Variants in SCN1A observed in about 807,000 individuals in gnomAD.
SCN1A encodes sodium channel protein type 1 subunit alpha.
Under a neutral mutation model 193.7 loss-of-function variants are expected in SCN1A, and 13 were observed. The observed-to-expected ratio is 0.07, with a 90% CI of 0.04 to 0.11. SCN1A has a LOEUF of 0.11. Ranked by LOEUF, SCN1A falls within the 10% of genes least tolerant of loss-of-function variation. The pLI is 1.00. For missense variants in SCN1A, 1,432 were observed against 2,451.1 expected (o/e 0.58, Z 8.78); for synonymous variants, 781 against 843.6 (o/e 0.93, Z 1.29).
chr2:166,115,816 A>G (rs1439131079), intron 2 of SCN1A, among the ~76,000 whole-genome samples: 1 of 152,204 alleles, frequency 6.6e-6, no homozygotes, highest in African/African-American at 2.4e-5. Flanking sequence ...GCTGCACCAT[A>G]TTGCAAAGAA....
intron 1 of SCN1A, among the ~76,000 whole-genome samples, 157 bp downstream of exon 1, chr2:166,127,614 A>C (rs1281146872): frequency 6.6e-6 from 1 of 150,876 alleles, no homozygotes; most frequent in Non-Finnish European, 1.5e-5. Flanking sequence ...AGGGGAGGAG[A>C]AGAGGAGGAG....
chr2:166,097,516 G>A (rs991050154), intron 2 of SCN1A, among the ~76,000 whole-genome samples: 4 of 152,006 alleles, frequency 2.6e-5, no homozygotes, highest in African/African-American at 7.3e-5. Context: ...ATGCTTATAC[G>A]TGAGATTATC....
intron 2 of SCN1A, among the ~76,000 whole-genome samples, chr2:166,096,952 T>G (rs559821153): frequency 6.6e-6 from 1 of 152,340 alleles, no homozygotes; most frequent in East Asian, 1.9e-4. Flanking sequence ...ACACTCTAAG[T>G]GTTCACCATT....
chr2:166,121,351 G>T (rs1477441913), intron 2 of SCN1A, among the ~76,000 whole-genome samples: 1 of 152,116 alleles, frequency 6.6e-6, no homozygotes, highest in Non-Finnish European at 1.5e-5. Flanking sequence ...ATTAACCTGA[G>T]TCAGTTTCAG....
At chr2:166,120,596 C>CTTTT (rs57044851) in intron 2 of SCN1A, among the ~76,000 whole-genome samples, 7 of 72,484 alleles carry the variant, frequency 9.7e-5, no homozygotes, top group Admixed American at 7.0e-4. Flanking sequence ...TTTCTTTTCT[C>CTTTT]TTTTTTTTTT....
chr2:166,098,636 A>G (rs1380904583), intron 2 of SCN1A, among the ~76,000 whole-genome samples: 2 of 152,186 alleles, frequency 1.3e-5, no homozygotes, highest in Admixed American at 6.5e-5. Flanking sequence ...AAAGGCTCCT[A>G]GATCAAATAA....
At chr2:166,102,323 C>T (rs1688175847) in intron 2 of SCN1A, among the ~76,000 whole-genome samples, 1 of 151,820 alleles carries the variant, frequency 6.6e-6, no homozygotes. Flanking sequence ...GGTGAAACCC[C>T]ATTTCTACTA....
intron 2 of SCN1A, chr2:166,081,525 A>C (rs527317371): frequency 1.3e-5 from 2 of 151,974 alleles, no homozygotes; most frequent in South Asian, 4.1e-4. Flanking sequence ...TAAAAAGGTG[A>C]TATCTGTCTT....
At chr2:166,089,798 G>C (rs1007867142) in intron 2 of SCN1A, among the ~76,000 whole-genome samples, 6 of 152,116 alleles carry the variant, frequency 3.9e-5, no homozygotes, top group East Asian at 1.9e-4. Context: ...AGAGGAACCA[G>C]TGTTGGGTTT....
chr2:166,021,423 T>A (rs1694046960), intron 19 of SCN1A, among the ~76,000 whole-genome samples: 1 of 152,172 alleles, frequency 6.6e-6, no homozygotes, highest in South Asian at 2.1e-4. Flanking sequence ...AAACTGTTTT[T>A]AGCCAAAACA....
intron 2 of SCN1A, among the ~76,000 whole-genome samples, chr2:166,078,192 T>G (rs1172956196): frequency 6.6e-6 from 1 of 151,684 alleles, no homozygotes; most frequent in East Asian, 1.9e-4. Context: ...TCAAATTGGG[T>G]TCATCAGTTG....
rs975219135 is a variant in SCN1A, at chr2:166,054,546, T to G, written c.602+92A>C. 5.2e-6 allele frequency: 7 copies of G among 1,342,578 alleles called. No individual in the cohort carries two copies. The African/African-American group carries it at 8.7e-5, about 17-fold the overall frequency. The allele number at this position is 1,342,578 out of a possible 1,614,324, so 83.2% of individuals were successfully genotyped here. On this transcript the variant is annotated intron_variant, in intron 7 of 28. Transcript: ENST00000674923. ...GAATGTATAAATCACACCAAAATATTCTACAGGTAAAGCAAACCTATTCTT... is the reference window on the plus strand; with the variant it reads ...GAATGTATAAATCACACCAAAATATGCTACAGGTAAAGCAAACCTATTCTT...
chr2:166,042,174 A>C, intron 15 of SCN1A, 118 bp downstream of exon 15: 1 of 988,894 alleles, frequency 1.0e-6, no homozygotes, highest in Non-Finnish European at 1.5e-6. Context: ...ACAGCTCTTG[A>C]ATTAGACTGT....
At chr2:166,091,606 A>T (rs918811286) in intron 2 of SCN1A, among the ~76,000 whole-genome samples, 1 of 152,222 alleles carries the variant, frequency 6.6e-6, no homozygotes, top group Non-Finnish European at 1.5e-5. Context: ...ATTTGCAGGC[A>T]TTACTCAGCA....
chr2:166,089,048 T>C (rs908323929), intron 2 of SCN1A, among the ~76,000 whole-genome samples: 1 of 152,220 alleles, frequency 6.6e-6, no homozygotes, highest in African/African-American at 2.4e-5. Context: ...CTTTAAGTTC[T>C]GGGATACACG....
At chr2:166,124,440 G>A (rs760671818) in intron 2 of SCN1A, among the ~76,000 whole-genome samples, 14 of 151,886 alleles carry the variant, frequency 9.2e-5, no homozygotes, top group African/African-American at 2.2e-4. Context: ...CCAGCTACTG[G>A]GGAGGCTGAG....
rs911171545 is a variant in SCN1A at position 165,990,093 on chromosome 2, T to C, written c.*1152A>G. The C allele has an allele frequency of 4.4e-4, 67 of 152,704 alleles. No homozygotes were observed. Among genetic ancestry groups the C allele is most frequent in the African/African-American group, 1.3e-3 (53 of 41,560 alleles). 9.5% of individuals were successfully genotyped at this position (152,704 alleles called of 1,614,324 possible). ...AACCAGATACAGCAGCATGGTAATA[T>C]AAACATGCATTGATAGCATCCAAAC... On this transcript the variant is annotated 3_prime_UTR_variant, in exon 29 of 29. Coordinates refer to ENST00000674923, the MANE Select transcript of SCN1A (RefSeq NM_001165963.4).
Position 166,014,419 on chromosome 2 carries a change from T to C in SCN1A, c.3551-521A>G, listed in dbSNP as rs1574063878. 2.0e-5 allele frequency among the ~76,000 whole-genome samples: 3 copies of C among 151,592 alleles called. No homozygotes were observed. In the East Asian group the frequency reaches 5.8e-4, roughly 29 times the overall value. On this transcript the variant is annotated intron_variant, in intron 20 of 28. Transcript: ENST00000674923. Reference sequence around the variant, plus strand: ...GTTCACTAAAAGCTAATTTGTATGATTTGGCTTTGACTTTTCATTGCCTTC... The same window carrying C: ...GTTCACTAAAAGCTAATTTGTATGACTTGGCTTTGACTTTTCATTGCCTTC...
intron 19 of SCN1A, among the ~76,000 whole-genome samples, chr2:166,026,808 C>A (rs574267070): frequency 6.6e-6 from 1 of 151,308 alleles, no homozygotes; most frequent in African/African-American, 2.4e-5. Context: ...CTCAGCCTCC[C>A]AAGTAGCTGG....
Sources: allele counts gnomAD v4.1 joint callset (sites outside exome capture counted in the v4.1 genomes callset), GRCh38; gene constraint gnomAD v4.1.1; transcripts MANE v1.5; gene names NCBI Gene and HGNC (gene_info 2026-07-23, HGNC 2026-07-21).